CCDC57: variants seen among roughly 807,000 people sequenced by gnomAD.
CCDC57 encodes the protein coiled-coil domain containing 57, also known as coiled-coil domain-containing protein 57.
Under a neutral mutation model 118.9 loss-of-function variants are expected in CCDC57, and 118 were observed. That is an observed-to-expected ratio of 0.99 (90% CI 0.86 to 1.16). The LOEUF is 1.16. CCDC57 is among the 50% of genes most tolerant of loss of function. CCDC57 has a pLI of 0.00. For synonymous variants in CCDC57, 527 were observed against 532.9 expected, an observed-to-expected ratio of 0.99 and a Z score of 0.15; for missense variants, 1,300 against 1,320.7, an observed-to-expected ratio of 0.98 and a Z score of 0.24.
chr17:82,187,941 T>C (rs549329115), intron 8 of CCDC57, among the ~76,000 whole-genome samples: 6 of 151,494 alleles, frequency 4.0e-5, no homozygotes, highest in Non-Finnish European at 7.4e-5. Flanking sequence ...CACTGATCTG[T>C]ACACTAAGAA....
intron 16 of CCDC57, among the ~76,000 whole-genome samples, chr17:82,136,596 A>AAAG (rs1555692910): frequency 5.4e-5 from 8 of 147,908 alleles, no homozygotes; most frequent in African/African-American, 1.7e-4. Flanking sequence ...AAAAAAAAAA[A>AAAG]AAAGAAAACT....
chr17:82,121,855 G>A (rs1331208555), intron 19 of CCDC57, among the ~76,000 whole-genome samples: 2 of 152,154 alleles, frequency 1.3e-5, no homozygotes, highest in Non-Finnish European at 2.9e-5. Context: ...ATAAAGGCCG[G>A]GAAGCTCTGG....
chr17:82,207,879 G>A (rs1331657854), exon 2 of CCDC57: 3 of 152,174 alleles, frequency 2.0e-5, no homozygotes, highest in Non-Finnish European at 2.9e-5. Context: ...GGCAGGCGGT[G>A]TTGGAACTGA....
In CCDC57 at chr17:82,190,687, C is replaced by T. The variant is rs891942477; in HGVS notation, c.852-2268G>A. On this transcript the variant is annotated intron_variant, in intron 7 of 19. Coordinates refer to ENST00000665763, the Ensembl canonical transcript of CCDC57. ...CATCTGCCTGGGCAACAGAGCGAGA[C>T]TCTGTCTCAAAAAAAAAAAAAAAAA... 4.5e-5 allele frequency among the ~76,000 whole-genome samples: 6 copies of T among 133,906 alleles called. No homozygotes were observed. In the Admixed American group the frequency reaches 4.8e-4, roughly 11 times the overall value. The allele number at this position is 133,906 out of a possible 152,430, so 87.8% of individuals were successfully genotyped here. A position where few individuals can be genotyped will look rare whatever the true frequency, so the allele number is the denominator to read the frequency against.
chr17:82,110,589 C>T (rs1489720918), intron 19 of CCDC57, among the ~76,000 whole-genome samples: 1 of 152,178 alleles, frequency 6.6e-6, no homozygotes, highest in Non-Finnish European at 1.5e-5. Context: ...CTCATCATAC[C>T]AGGCCACAGA....
intron 16 of CCDC57, 52 bp downstream of exon 15, chr17:82,151,508 C>CACCCAGA: frequency 6.6e-7 from 1 of 1,523,436 alleles, no homozygotes; most frequent in Non-Finnish European, 8.9e-7. Context: ...ACCAGGTGCA[C>CACCCAGA]ACCCAGAACC....
rs550237602 is a variant in CCDC57, at chr17:82,101,614, A to T, written c.*68T>A. On this transcript the variant is annotated 3_prime_UTR_variant, in exon 20 of 20. Coordinates refer to ENST00000665763, the Ensembl canonical transcript of CCDC57. ...GTGCCCACACCCCCCCACAACACGT[A>T]GGTGAAAGCACAGGCACCATGCGGA... 166 of 1,292,178 alleles carry T rather than the reference A, an allele frequency of 1.3e-4. No individual in the cohort carries two copies. In the African/African-American group the frequency reaches 1.8e-3, roughly 14 times the overall value. 80.0% of individuals were successfully genotyped at this position (1,292,178 alleles called of 1,614,324 possible). A position where few individuals can be genotyped will look rare whatever the true frequency, so the allele number is the denominator to read the frequency against.
chr17:82,131,268 C>A (rs1403656626), intron 17 of CCDC57, among the ~76,000 whole-genome samples: 2 of 150,340 alleles, frequency 1.3e-5, no homozygotes, highest in Non-Finnish European at 3.0e-5. Flanking sequence ...TCGTCTCTAT[C>A]AAAAATACAA....
At chr17:82,164,162 G>C (rs568109921) in intron 13 of CCDC57, among the ~76,000 whole-genome samples, 7 of 152,224 alleles carry the variant, frequency 4.6e-5, no homozygotes, top group Admixed American at 1.3e-4. Flanking sequence ...GATCGCCTGA[G>C]GTCAGGAGTG....
chr17:82,209,085 T>G (rs1019163712), intron 1 of CCDC57, among the ~76,000 whole-genome samples: 1 of 152,022 alleles, frequency 6.6e-6, no homozygotes, highest in Middle Eastern at 3.4e-3. Context: ...TGACCCCGTG[T>G]TTTTTTTCAC....
chr17:82,165,591 C>A (rs2043888459), intron 13 of CCDC57, among the ~76,000 whole-genome samples: 1 of 152,116 alleles, frequency 6.6e-6, no homozygotes, highest in Non-Finnish European at 1.5e-5. Flanking sequence ...CTCCTGCCAG[C>A]CCATGGTCCT....
chr17:82,155,163 G>C (rs1189994447), intron 15 of CCDC57: 1 of 152,292 alleles, frequency 6.6e-6, no homozygotes, highest in Non-Finnish European at 1.5e-5. Flanking sequence ...GGTCAAACAG[G>C]CTGCTCCACT....
chr17:82,210,568 T>C (rs1007421150), intron 1 of CCDC57, among the ~76,000 whole-genome samples: 9 of 149,638 alleles, frequency 6.0e-5, no homozygotes, highest in Admixed American at 2.0e-4. Flanking sequence ...TAATCCCAGC[T>C]GCTCAGGAGG....
chr17:82,111,662 A>G (rs957223641), intron 19 of CCDC57, among the ~76,000 whole-genome samples: 9 of 152,156 alleles, frequency 5.9e-5, no homozygotes, highest in Non-Finnish European at 1.2e-4. Flanking sequence ...GCTGGAGTGC[A>G]GTGGTGCGAT....
intron 1 of CCDC57, among the ~76,000 whole-genome samples, chr17:82,210,493 G>A: frequency 6.8e-6 from 1 of 146,612 alleles, no homozygotes. Flanking sequence ...CCAACATGGT[G>A]AAACCCCGTC....
intron 11 of CCDC57, among the ~76,000 whole-genome samples, 176 bp downstream of exon 10, chr17:82,178,298 T>G (rs2045781343): frequency 6.6e-6 from 1 of 152,252 alleles, no homozygotes; most frequent in African/African-American, 2.4e-5. Flanking sequence ...CAAAGAAGCC[T>G]GAGTTCACCT....
chr17:82,203,943 G>C (rs2049288482), intron 2 of CCDC57, among the ~76,000 whole-genome samples: 1 of 152,172 alleles, frequency 6.6e-6, no homozygotes, highest in Admixed American at 6.5e-5. Flanking sequence ...CTCCCAGAGG[G>C]AGCGGGTACA....
At chr17:82,164,971 T>G (rs2043801270) in intron 13 of CCDC57, among the ~76,000 whole-genome samples, 2 of 152,050 alleles carry the variant, frequency 1.3e-5, no homozygotes, top group South Asian at 4.1e-4. Context: ...TTATGAGAAT[T>G]GAAAATTATG....
In CCDC57 at chr17:82,192,366, C is replaced by T. The variant is rs1211437505; in HGVS notation, c.851+1390G>A. On this transcript the variant is annotated intron_variant, in intron 7 of 19. Transcript: ENST00000665763. This position sits in a 1 kb window ranked among gnomAD's most constrained non-coding sequence, Gnocchi z 4.0. ...TTAATGAACTGTGTTATCAGTAAGG[C>T]TTCTGGTCAACAGTAGGTTCTAAGT... Among the ~76,000 whole-genome samples, 6 of 152,298 alleles carry T rather than the reference C, an allele frequency of 3.9e-5. No homozygotes were observed. In the East Asian group the frequency reaches 5.8e-4, roughly 15 times the overall value.
Sources: gnomAD v4.1 joint callset for allele counts (sites outside exome capture counted in the v4.1 genomes callset) on GRCh38, gnomAD v4.1.1 for gene constraint, Gnocchi (gnomAD v3.1) non-coding constraint, MANE v1.5 for transcripts, NCBI Gene and HGNC (gene_info 2026-07-23, HGNC 2026-07-21) for gene names.